ERC2: variants seen among roughly 807,000 people sequenced by gnomAD.
ERC2 encodes the protein ERC protein 2.
Under a neutral mutation model 114.8 loss-of-function variants are expected in ERC2, and 42 were observed. The observed-to-expected ratio is 0.37, with a 90% CI of 0.29 to 0.47. The LOEUF (loss-of-function observed/expected upper bound fraction) is 0.47. ERC2 is among the 20% of genes least tolerant of loss of function. The probability of loss-of-function intolerance (pLI) is 0.99; values close to 1 mark genes in which losing one functional copy is unlikely to be tolerated. For synonymous variants in ERC2, 454 were observed against 425.5 expected, an observed-to-expected ratio of 1.07 and a Z score of -0.82; for missense variants, 939 against 1,150.7, an observed-to-expected ratio of 0.82 and a Z score of 2.66.
chr3:56,146,671 A>G (rs1244776175), intron 5 of ERC2, among the ~76,000 whole-genome samples: 1 of 152,218 alleles, frequency 6.6e-6, no homozygotes, highest in African/African-American at 2.4e-5. Flanking sequence ...CATCTGAACC[A>G]TCCTGTAAGG....
intron 2 of ERC2, among the ~76,000 whole-genome samples, chr3:56,310,081 TACCA>T (rs1193195656): frequency 2.6e-5 from 4 of 152,208 alleles, no homozygotes; most frequent in Non-Finnish European, 5.9e-5. Context: ...CTCTCAGGAA[TACCA>T]ACCATTTCTG....
At chr3:56,442,868 C>G (rs568177295) in intron 1 of ERC2, among the ~76,000 whole-genome samples, 1 of 152,166 alleles carries the variant, frequency 6.6e-6, no homozygotes, top group Admixed American at 6.5e-5. Flanking sequence ...TTGAGACAGA[C>G]GCAGGTTCTG....
chr3:55,931,077 G>T (rs1418472348), intron 13 of ERC2, among the ~76,000 whole-genome samples: 1 of 152,180 alleles, frequency 6.6e-6, no homozygotes. Flanking sequence ...AGTTAGAATG[G>T]CGATCATTAA....
In ERC2 at chr3:55,644,788, T is replaced by G. The variant is rs576042984; in HGVS notation, c.*39+39006A>C. On this transcript the variant is annotated intron_variant, in intron 17 of 17. Transcript: ENST00000288221. Reference sequence around the variant, plus strand: ...ATATCAAGAGGGTATGTGAATCCCTTGAAATTTACTTTATGCTTGTGCATT... The same window carrying G: ...ATATCAAGAGGGTATGTGAATCCCTGGAAATTTACTTTATGCTTGTGCATT... Among the ~76,000 whole-genome samples, 4 of 151,958 alleles carry G rather than the reference T, an allele frequency of 2.6e-5. No homozygotes were observed. The South Asian group carries it at 8.3e-4, about 32-fold the overall frequency.
chr3:55,546,164 A>G (rs2054734986), intron 17 of ERC2, among the ~76,000 whole-genome samples: 1 of 152,154 alleles, frequency 6.6e-6, no homozygotes, highest in African/African-American at 2.4e-5. Context: ...AATAACGGCG[A>G]CAGCAGCTAC....
At chr3:55,782,026 G>A (rs2069099887) in intron 14 of ERC2, among the ~76,000 whole-genome samples, 1 of 152,146 alleles carries the variant, frequency 6.6e-6, no homozygotes, top group Admixed American at 6.5e-5. Flanking sequence ...GATCTGAGGG[G>A]ACATTTTACC....
At chr3:56,377,245 C>T (rs968833016) in intron 2 of ERC2, among the ~76,000 whole-genome samples, 1 of 152,134 alleles carries the variant, frequency 6.6e-6, no homozygotes, top group Non-Finnish European at 1.5e-5. Flanking sequence ...GAAAGGAACA[C>T]ATGAAAACAT....
intron 3 of ERC2, among the ~76,000 whole-genome samples, chr3:56,206,447 T>C (rs1468074082): frequency 6.6e-6 from 1 of 152,204 alleles, no homozygotes; most frequent in Non-Finnish European, 1.5e-5. Context: ...CCAAGAAATG[T>C]TAGGTGAGTT....
intron 13 of ERC2, among the ~76,000 whole-genome samples, chr3:55,911,902 G>A (rs934061269): frequency 7.2e-5 from 11 of 152,146 alleles, no homozygotes; most frequent in Non-Finnish European, 1.3e-4. Flanking sequence ...GGTCAAAGGA[G>A]CAATTTGATT....
chr3:56,328,527 G>T (rs1467763445), intron 2 of ERC2, among the ~76,000 whole-genome samples: 1 of 152,174 alleles, frequency 6.6e-6, no homozygotes, highest in African/African-American at 2.4e-5. Context: ...GTACAAACGG[G>T]TATTTTTAAA....
intron 17 of ERC2, among the ~76,000 whole-genome samples, chr3:55,572,636 G>A (rs1042502763): frequency 1.3e-5 from 2 of 152,164 alleles, no homozygotes; most frequent in African/African-American, 4.8e-5. Context: ...TTTCAGATGG[G>A]AACACAGATT....
At chr3:56,217,149 T>G (rs980768004) in intron 3 of ERC2, among the ~76,000 whole-genome samples, 55 of 152,170 alleles carry the variant, frequency 3.6e-4, no homozygotes, top group South Asian at 6.2e-4. Context: ...GGGCAATCAG[T>G]CAGGAGAAGG....
chr3:55,543,902 C>A (rs1030853400), intron 17 of ERC2, among the ~76,000 whole-genome samples: 2 of 152,180 alleles, frequency 1.3e-5, no homozygotes, highest in Non-Finnish European at 2.9e-5. Flanking sequence ...CACCTCCCCA[C>A]GATCCTCAAT....
intron 6 of ERC2, among the ~76,000 whole-genome samples, chr3:56,127,103 C>T (rs974959460): frequency 2.0e-5 from 3 of 151,932 alleles, no homozygotes; most frequent in Non-Finnish European, 4.4e-5. Flanking sequence ...ATAAAATACC[C>T]AGGAATAACA....
chr3:56,369,328 C>A (rs1172490234), intron 2 of ERC2, among the ~76,000 whole-genome samples: 1 of 152,186 alleles, frequency 6.6e-6, no homozygotes, highest in Non-Finnish European at 1.5e-5. Flanking sequence ...ATGATAAAAT[C>A]CTCCAGGCAA....
intron 6 of ERC2, among the ~76,000 whole-genome samples, chr3:56,085,235 C>A (rs1345244128): frequency 6.6e-6 from 1 of 152,154 alleles, no homozygotes; most frequent in East Asian, 1.9e-4. Context: ...AGTTGTGTTT[C>A]TAAAGGTCAA....
intron 16 of ERC2, among the ~76,000 whole-genome samples, chr3:55,693,703 AT>A (rs2062782550): frequency 6.6e-6 from 1 of 151,568 alleles, no homozygotes; most frequent in Non-Finnish European, 1.5e-5. Context: ...GAGACTACAT[AT>A]TTTTTCTTCT....
intron 2 of ERC2, among the ~76,000 whole-genome samples, chr3:56,423,392 G>A (rs1010874327): frequency 6.6e-6 from 1 of 152,206 alleles, no homozygotes. Flanking sequence ...AGCATGTTTA[G>A]CAGCACCCCT....
intron 3 of ERC2, among the ~76,000 whole-genome samples, chr3:56,274,571 G>T (rs1366645310): frequency 1.3e-5 from 2 of 152,118 alleles, no homozygotes; most frequent in African/African-American, 4.8e-5. Context: ...GTTGTTCAAA[G>T]GCCAACTATA....
Sources: allele counts gnomAD v4.1 joint callset (sites outside exome capture counted in the v4.1 genomes callset), GRCh38; gene constraint gnomAD v4.1.1; transcripts MANE v1.5; gene names NCBI Gene and HGNC (gene_info 2026-07-23, HGNC 2026-07-21).